The following CSMD1 variants were observed in gnomAD, a reference collection of about 807,000 sequenced individuals.
The protein encoded by CSMD1 is CUB and Sushi multiple domains 1.
CSMD1 carries 213 observed loss-of-function variants against 417.5 expected under a neutral mutation model. That is an observed-to-expected ratio of 0.51 (90% CI 0.46 to 0.57). CSMD1 has a LOEUF of 0.57. Among genes scored for constraint, CSMD1 ranks in the 20% least tolerant of loss-of-function variants. CSMD1 has a pLI of 0.00. For synonymous variants in CSMD1, 2,862 were observed against 1,736.8 expected (o/e 1.65, Z -16.11); for missense variants, 6,923 against 4,529.7 (o/e 1.53, Z -15.17).
At chr8:3,099,765 ATT>A (rs770315351) in intron 46 of CSMD1, among the ~76,000 whole-genome samples, 40 of 152,134 alleles carry the variant, frequency 2.6e-4, no homozygotes, top group Non-Finnish European at 5.0e-4. Context: ...TTCCTTTCAT[ATT>A]TGAAATGCTG....
At chr8:3,794,314 G>A (rs1005526208) in intron 5 of CSMD1, among the ~76,000 whole-genome samples, 2 of 152,078 alleles carry the variant, frequency 1.3e-5, no homozygotes, top group African/African-American at 4.8e-5. Flanking sequence ...TGAAAACTCT[G>A]CGCCTGGTGA....
At chr8:3,432,328 T>A (rs6987378) in intron 12 of CSMD1, among the ~76,000 whole-genome samples, 1 of 151,908 alleles carries the variant, frequency 6.6e-6, no homozygotes, top group Non-Finnish European at 1.5e-5. Context: ...AAAAAATCAT[T>A]TAAAGTGTTT....
rs557904970 is a variant in CSMD1, at chr8:4,733,958, T to G, written c.86-96400A>C. ...TAATTAGCAAGAGGCTGTATGAAGT[T>G]AGAATTATGCCCCTATGCATGTGAA... On this transcript the variant is annotated intron_variant, in intron 1 of 69. Coordinates refer to ENST00000635120, the MANE Select transcript of CSMD1 (RefSeq NM_033225.6). 2.0e-5 allele frequency among the ~76,000 whole-genome samples: 3 copies of G among 152,308 alleles called. No individual in the cohort carries two copies. The South Asian group carries it at 6.2e-4, about 32-fold the overall frequency.
rs555116924 is a variant in CSMD1, at chr8:3,651,517, T to G, written c.1010-34720A>C. 4.6e-5 allele frequency among the ~76,000 whole-genome samples: 7 copies of G among 152,250 alleles called. No homozygotes were observed. In the South Asian group the frequency reaches 1.4e-3, roughly 32 times the overall value. ...CTTATCTGCATAGCTGGCCTCGGTT[T>G]CTCCAGGTGTCTCCTCCAATGTCAT... On this transcript the variant is annotated intron_variant, in intron 7 of 69. Transcript: ENST00000635120.
At chr8:4,110,837 T>A (rs939275668) in intron 3 of CSMD1, among the ~76,000 whole-genome samples, 7 of 152,162 alleles carry the variant, frequency 4.6e-5, no homozygotes, top group East Asian at 3.8e-4. Context: ...CTACTTTTTT[T>A]AAGGAAATCA....
At chr8:3,599,740 C>G (rs1327072057) in intron 8 of CSMD1, among the ~76,000 whole-genome samples, 2 of 152,202 alleles carry the variant, frequency 1.3e-5, no homozygotes, top group East Asian at 1.9e-4. Context: ...ATACCTTGCA[C>G]TCCTCTCTTC....
At chr8:4,759,262 A>T (rs1383228560) in intron 1 of CSMD1, among the ~76,000 whole-genome samples, 1 of 152,284 alleles carries the variant, frequency 6.6e-6, no homozygotes, top group Middle Eastern at 3.4e-3. Context: ...GACTGCCCTC[A>T]GGAAGGATGC....
At chr8:3,176,315 T>C (rs1820933087) in intron 37 of CSMD1, among the ~76,000 whole-genome samples, 1 of 152,062 alleles carries the variant, frequency 6.6e-6, no homozygotes, top group African/African-American at 2.4e-5. Flanking sequence ...TTAAATTTAA[T>C]TCTGTAATTT....
At chr8:3,895,000 A>C (rs955198599) in intron 5 of CSMD1, among the ~76,000 whole-genome samples, 1 of 152,208 alleles carries the variant, frequency 6.6e-6, no homozygotes, top group African/African-American at 2.4e-5. Context: ...ATTTGGTATG[A>C]AAGCAGCTTA....
chr8:3,293,946 T>A (rs180685948), intron 25 of CSMD1, among the ~76,000 whole-genome samples: 1 of 152,112 alleles, frequency 6.6e-6, no homozygotes, highest in South Asian at 2.1e-4. Flanking sequence ...TTTTTCCCCA[T>A]CTTTGTGGTT....
chr8:2,939,668 G>A lies in CSMD1; in HGVS notation c.10536-924C>T, dbSNP rs138685672. ...CATTGGGCGTCAAGAAACTTCTGCC[G>A]AGACATTTACTAGATTTCCTTATGT... On this transcript the variant is annotated intron_variant, in intron 69 of 69. Transcript: ENST00000635120. Among the ~76,000 whole-genome samples the A allele has an allele frequency of 1.1e-4, 17 of 152,300 alleles. No homozygotes were observed. The East Asian group carries it at 2.3e-3, about 21-fold the overall frequency.
At chr8:3,680,720 G>A (rs13271709) in intron 7 of CSMD1, among the ~76,000 whole-genome samples, 69,162 of 151,920 alleles carry the variant, frequency 0.46, 16,230 homozygotes, top group Admixed American at 0.57. Context: ...CCAAAGCCGG[G>A]CAGAGACACA....
intron 2 of CSMD1, among the ~76,000 whole-genome samples, chr8:4,452,973 T>C (rs890274616): frequency 9.2e-5 from 14 of 152,156 alleles, no homozygotes; most frequent in African/African-American, 3.4e-4. Context: ...AGCTTTTGTT[T>C]CTGGAGTTGC....
intron 3 of CSMD1, among the ~76,000 whole-genome samples, chr8:4,322,032 T>G (rs1469167908): frequency 6.6e-6 from 1 of 152,130 alleles, no homozygotes; most frequent in African/African-American, 2.4e-5. Context: ...ATTAATTTAG[T>G]TCATATTTTA....
intron 1 of CSMD1, among the ~76,000 whole-genome samples, chr8:4,811,012 C>T (rs935984882): frequency 8.5e-5 from 13 of 152,184 alleles, no homozygotes; most frequent in Admixed American, 8.5e-4. Context: ...ATTTTCTGTA[C>T]TATTCCACCC....
At chr8:4,036,716 T>G (rs1797636578) in intron 3 of CSMD1, among the ~76,000 whole-genome samples, 1 of 152,222 alleles carries the variant, frequency 6.6e-6, no homozygotes, top group African/African-American at 2.4e-5. Flanking sequence ...AAAGGATCCT[T>G]TTGCAGATGC....
intron 3 of CSMD1, among the ~76,000 whole-genome samples, chr8:4,216,657 G>T (rs531876451): frequency 6.6e-6 from 1 of 152,158 alleles, no homozygotes; most frequent in Non-Finnish European, 1.5e-5. Context: ...TTTCGTAAAT[G>T]ACTGAGTGAA....
chr8:3,680,359 C>T (rs183846438), intron 7 of CSMD1, among the ~76,000 whole-genome samples: 5 of 152,188 alleles, frequency 3.3e-5, no homozygotes, highest in Non-Finnish European at 7.4e-5. Flanking sequence ...GGGTATATCA[C>T]CACTGATCCC....
At chr8:3,210,655 T>A (rs1393352476) in intron 30 of CSMD1, among the ~76,000 whole-genome samples, 1 of 148,710 alleles carries the variant, frequency 6.7e-6, no homozygotes, top group African/African-American at 2.5e-5. Context: ...ACACTTTATA[T>A]ATAATTATAC....
Sources: allele counts gnomAD v4.1 joint callset (sites outside exome capture counted in the v4.1 genomes callset), GRCh38; gene constraint gnomAD v4.1.1; transcripts MANE v1.5; gene names NCBI Gene and HGNC (gene_info 2026-07-23, HGNC 2026-07-21).